GOLPH3: variants seen among roughly 807,000 people sequenced by gnomAD.
GOLPH3 encodes the protein coat protein GPP34.
Under a neutral mutation model 28.5 loss-of-function variants are expected in GOLPH3, and 14 were observed. The observed-to-expected ratio is 0.49, with a 90% CI of 0.32 to 0.77. GOLPH3 has a LOEUF of 0.77. Among genes scored for constraint, GOLPH3 ranks in the 30% least tolerant of loss-of-function variants. The pLI is 0.03. For missense variants in GOLPH3, 350 were observed against 393.7 expected (o/e 0.89, Z 0.94); for synonymous variants, 158 against 159.2 (o/e 0.99, Z 0.06).
chr5:32,137,490 C>T (rs2111846154), intron 2 of GOLPH3, among the ~76,000 whole-genome samples: 1 of 151,880 alleles, frequency 6.6e-6, no homozygotes, highest in East Asian at 2.0e-4. Context: ...GAAACCCGGT[C>T]TCTACTAATA....
chr5:32,139,063 T>C (rs774730879), intron 2 of GOLPH3, among the ~76,000 whole-genome samples: 9 of 152,252 alleles, frequency 5.9e-5, no homozygotes, highest in South Asian at 2.1e-4. Context: ...AGCCTGGGTA[T>C]AGTGAATCAC....
Position 32,174,071 on chromosome 5 carries a change from C to A in GOLPH3, c.-37G>T. 8.1e-7 allele frequency: 1 copy of A among 1,238,912 alleles called. No individual in the cohort carries two copies. Among genetic ancestry groups the A allele is most frequent in the South Asian group, 3.4e-5 (1 of 29,808 alleles). The allele number at this position is 1,238,912 out of a possible 1,614,324, so 76.7% of individuals were successfully genotyped here. A position where few individuals can be genotyped will look rare whatever the true frequency, so the allele number is the denominator to read the frequency against. On this transcript the variant is annotated 5_prime_UTR_variant, in exon 1 of 4. Transcript: ENST00000265070. ...AGGCGCCGAGCCGGGCCGAGAGGGT[C>A]GCAGGACCGACCGGGTCGCCCTCCT... is the stretch of plus-strand genomic sequence containing the variant.
At chr5:32,158,091 A>AAAAT (rs371590080) in intron 1 of GOLPH3, among the ~76,000 whole-genome samples, 108 of 43,284 alleles carry the variant, frequency 2.5e-3, no homozygotes, top group Admixed American at 4.9e-3. Context: ...ACTCTGTCTC[A>AAAAT]AAATAAATAA....
chr5:32,158,132 TACACACACACACACACACAC>T (rs70961610), intron 1 of GOLPH3, among the ~76,000 whole-genome samples: 8 of 33,684 alleles, frequency 2.4e-4, no homozygotes, highest in African/African-American at 4.8e-4. Flanking sequence ...ATAAATAAAA[TACACACACACACACACACAC>T]ACACACACAC....
At chr5:32,127,996 G>A (rs901061671) in intron 3 of GOLPH3, among the ~76,000 whole-genome samples, 1 of 151,936 alleles carries the variant, frequency 6.6e-6, no homozygotes, top group Non-Finnish European at 1.5e-5. Flanking sequence ...ATCACGTTAA[G>A]GCAGCAGAGA....
At chr5:32,141,908 A>G (rs1581542954) in intron 2 of GOLPH3, among the ~76,000 whole-genome samples, 2 of 13,348 alleles carry the variant, frequency 1.5e-4, no homozygotes, top group Non-Finnish European at 2.8e-4. Flanking sequence ...TCAGTGCTCA[A>G]AATGGTGCCC....
intron 3 of GOLPH3, 110 bp from the exon 4 acceptor site, chr5:32,126,746 G>GA: frequency 1.2e-6 from 1 of 817,366 alleles, no homozygotes; most frequent in Middle Eastern, 3.7e-4. Flanking sequence ...AAAAACAGAA[G>GA]AAAATCTGCC....
intron 1 of GOLPH3, among the ~76,000 whole-genome samples, chr5:32,164,962 T>C (rs1400606940): frequency 2.7e-5 from 4 of 147,578 alleles, no homozygotes; most frequent in East Asian, 2.0e-4. Context: ...TGCAGTGGCA[T>C]GATCTTAGCT....
chr5:32,156,665 G>T (rs553849616), intron 1 of GOLPH3, among the ~76,000 whole-genome samples: 2 of 152,108 alleles, frequency 1.3e-5, no homozygotes. Context: ...AGATCCTATC[G>T]GGCATTAGTT....
intron 3 of GOLPH3, among the ~76,000 whole-genome samples, chr5:32,127,195 G>A (rs1250680934): frequency 6.6e-6 from 1 of 152,166 alleles, no homozygotes; most frequent in African/African-American, 2.4e-5. Context: ...CCTTTTGAGA[G>A]AGAAATATTT....
intron 2 of GOLPH3, among the ~76,000 whole-genome samples, chr5:32,142,416 C>G (rs1746090341): frequency 6.6e-6 from 1 of 150,756 alleles, no homozygotes; most frequent in Non-Finnish European, 1.5e-5. Flanking sequence ...AGCAGCCACC[C>G]CGTCCGGGAA....
chr5:32,130,337 C>G (rs1432580815), intron 3 of GOLPH3, among the ~76,000 whole-genome samples: 1 of 152,144 alleles, frequency 6.6e-6, no homozygotes, highest in East Asian at 1.9e-4. Context: ...AAATAATAAA[C>G]AGCCAAACTT....
chr5:32,127,717 C>G (rs760912285), intron 3 of GOLPH3, among the ~76,000 whole-genome samples: 1 of 152,128 alleles, frequency 6.6e-6, no homozygotes, highest in African/African-American at 2.4e-5. Flanking sequence ...TTCAACTGGA[C>G]AGAGACACAA....
intron 3 of GOLPH3, 116 bp from the exon 4 acceptor site, chr5:32,126,752 C>A: frequency 2.5e-6 from 2 of 799,078 alleles, no homozygotes; most frequent in South Asian, 3.7e-5. Flanking sequence ...AGAAGAAAAT[C>A]TGCCATGTTT....
At chr5:32,152,032 G>A (rs567782521) in intron 1 of GOLPH3, among the ~76,000 whole-genome samples, 1 of 152,138 alleles carries the variant, frequency 6.6e-6, no homozygotes, top group Non-Finnish European at 1.5e-5. Context: ...GAGGGATAGT[G>A]GTGATGACGG....
At chr5:32,152,433 CTT>C (rs146250761) in intron 1 of GOLPH3, among the ~76,000 whole-genome samples, 13 of 127,558 alleles carry the variant, frequency 1.0e-4, no homozygotes, top group East Asian at 4.7e-4. Flanking sequence ...CCCCCCCAGC[CTT>C]TTTTTTTTTT....
At chr5:32,167,279 C>G (rs1373292484) in intron 1 of GOLPH3, among the ~76,000 whole-genome samples, 1 of 152,158 alleles carries the variant, frequency 6.6e-6, no homozygotes, top group Non-Finnish European at 1.5e-5. Context: ...TCAAGTGATT[C>G]TCCTGCCTCA....
intron 1 of GOLPH3, among the ~76,000 whole-genome samples, chr5:32,168,400 A>T (rs1477898456): frequency 6.6e-6 from 1 of 152,222 alleles, no homozygotes; most frequent in African/African-American, 2.4e-5. Flanking sequence ...CATTTTGGTT[A>T]ATCTTAAGTA....
At chr5:32,160,479 T>C (rs79855912) in intron 1 of GOLPH3, among the ~76,000 whole-genome samples, 4,603 of 152,306 alleles carry the variant, frequency 0.03, 150 homozygotes, top group East Asian at 0.16. Flanking sequence ...TACAAAGGCA[T>C]AGAATGAAAA....
Sources: gnomAD v4.1 joint callset for allele counts (sites outside exome capture counted in the v4.1 genomes callset) on GRCh38, gnomAD v4.1.1 for gene constraint, MANE v1.5 for transcripts, NCBI Gene and HGNC (gene_info 2026-07-23, HGNC 2026-07-21) for gene names.